RASAL1: variants seen among roughly 807,000 people sequenced by gnomAD.
RASAL1 encodes the protein rasGAP-activating-like protein 1.
RASAL1 carries 72 observed loss-of-function variants against 96.6 expected under a neutral mutation model. The ratio of observed to expected loss-of-function variants is 0.75; its 90% CI spans 0.62 to 0.91. The LOEUF is 0.91. RASAL1 is among the 40% of genes least tolerant of loss of function. The pLI, the probability that RASAL1 is intolerant of heterozygous loss-of-function variation, is 0.00. For synonymous variants in RASAL1, 405 were observed against 430.4 expected (o/e 0.94, Z 0.73); for missense variants, 1,016 against 1,072.5 (o/e 0.95, Z 0.74).
chr12:113,114,481 AAAAAAAAAG>A (rs1294648264), intron 12 of RASAL1, among the ~76,000 whole-genome samples: 1 of 151,992 alleles, frequency 6.6e-6, no homozygotes, highest in Non-Finnish European at 1.5e-5. Flanking sequence ...CTCAAAAAAA[AAAAAAAAAG>A]AAAAAAAGGA....
At chr12:113,100,706 A>C (rs201452149) in intron 19 of RASAL1, 26 bp from the exon 20 acceptor site, 1 of 1,595,400 alleles carries the variant, frequency 6.3e-7, no homozygotes, top group African/African-American at 1.3e-5. Context: ...GAGAAAGACA[A>C]GTCTGGTCCC....
At chr12:113,136,646 C>G (rs770018152), upstream of RASAL1, among the ~76,000 whole-genome samples, 1 of 152,214 alleles carries the variant, frequency 6.6e-6, no homozygotes, top group Non-Finnish European at 1.5e-5. Context: ...GTTTTCTCAT[C>G]TGTTGAGTGA....
At position 113,121,991 on chromosome 12, in the gene RASAL1, G is replaced by A. The variant is rs552267260; in HGVS notation, c.299-353C>T. Among the ~76,000 whole-genome samples the A allele has an allele frequency of 8.5e-5, 13 of 152,234 alleles. No homozygotes were observed. In the East Asian group the frequency reaches 1.9e-3, roughly 23 times the overall value. On this transcript the variant is annotated intron_variant, in intron 4 of 20. Coordinates refer to ENST00000548055, the MANE Select transcript of RASAL1 (RefSeq NM_001301202.2). The stretch of plus-strand genomic sequence containing the variant: ...ACCCACCTTGGCCTCCCAAAATGCT[G>A]GGATTACAGGCATGAGCCACTATGT...
At chr12:113,117,043 C>T in intron 8 of RASAL1, 30 bp downstream of exon 8, 1 of 1,517,770 alleles carries the variant, frequency 6.6e-7, no homozygotes, top group Non-Finnish European at 9.0e-7. Context: ...TGGCTCCAGC[C>T]TGGCCCCCTC....
chr12:113,104,220 T>G lies in RASAL1; in HGVS notation c.1909A>C (p.Met637Leu). Reference sequence around the variant, plus strand: ...GTGCCGTCCTGCGTCACCACCTGCATCACGTGGGGCAGTTGGAAGGCGCCC... The same window carrying G: ...GTGCCGTCCTGCGTCACCACCTGCAGCACGTGGGGCAGTTGGAAGGCGCCC... ...DEGAFQLPHV[M>L]QVVTQDGTGA... is the part of the protein sequence containing the mutation. Residue 637 changes from methionine (M) to leucine (L), a missense_variant, in exon 17 of 21, where the codon ATG becomes CTG. Physicochemically the swap from Met to Leu is conservative, Grantham distance 15. Transcript: ENST00000548055. The G allele has an allele frequency of 6.2e-7, 1 of 1,609,932 alleles. No homozygotes were observed.
At chr12:113,118,760 A>G (rs942191121) in intron 7 of RASAL1, among the ~76,000 whole-genome samples, 24 of 152,140 alleles carry the variant, frequency 1.6e-4, no homozygotes, top group African/African-American at 5.6e-4. Flanking sequence ...CAATGTCCCC[A>G]TCTGTAAAAT....
intron 8 of RASAL1, 118 bp downstream of exon 8, chr12:113,116,955 A>G: frequency 1.4e-6 from 1 of 727,248 alleles, no homozygotes; most frequent in Non-Finnish European, 2.2e-6. Context: ...TGTTAAATGG[A>G]TGAATGCATG....
intron 4 of RASAL1, among the ~76,000 whole-genome samples, chr12:113,125,035 G>T (rs907156034): frequency 6.6e-6 from 1 of 151,866 alleles, no homozygotes; most frequent in African/African-American, 2.4e-5. Flanking sequence ...GCCAAGGCAG[G>T]AGGATTGCTT....
rs769355412 is a variant in RASAL1, at chr12:113,115,902, G to A, written c.849+32C>T. On this transcript the variant is annotated intron_variant, in intron 9 of 20. Coordinates refer to ENST00000548055, the MANE Select transcript of RASAL1 (RefSeq NM_001301202.2). The surrounding 1 kb of genome is among the most constrained non-coding windows in gnomAD (Gnocchi z 4.1). ...GCCAGGATCCAGACCCCCGGCACCCGCCTGATAGCATTGCTTGCCTGACGC... is the reference window on the plus strand; with the variant it reads ...GCCAGGATCCAGACCCCCGGCACCCACCTGATAGCATTGCTTGCCTGACGC... 17 of 1,581,820 alleles carry A rather than the reference G, an allele frequency of 1.1e-5. No homozygotes were observed. The highest frequency in any genetic ancestry group is 1.3e-5 in the African/African-American group (1 of 74,234).
rs897939446 is a variant in RASAL1, at chr12:113,112,116, C to T, written c.1344G>A (p.Val448=). 2.4e-6 allele frequency: 3 copies of T among 1,246,684 alleles called. No individual in the cohort carries two copies. The African/African-American group carries it at 4.7e-5, about 19-fold the overall frequency. The allele number at this position is 1,246,684 out of a possible 1,614,324, so 77.2% of individuals were successfully genotyped here. A position where few individuals can be genotyped will look rare whatever the true frequency, so the allele number is the denominator to read the frequency against. The part of the protein sequence containing the change: ...RLAFKQLHRR[V]EERFPQAEHQ... Reference sequence around the variant, plus strand: ...GCTCGGCCTGGGGGAAGCGCTCCTCCACTCGCCGGTGCAGCTGCTTGAAGG... The same window carrying T: ...GCTCGGCCTGGGGGAAGCGCTCCTCTACTCGCCGGTGCAGCTGCTTGAAGG... The change falls in exon 13 of 21, where the codon GTG becomes GTA. Residue 448 remains valine (V), a synonymous_variant. Transcript: ENST00000548055.
In RASAL1 at chr12:113,115,981, G is replaced by C; in HGVS notation, c.802C>G (p.Gln268Glu). 3 of 1,610,220 alleles carry C rather than the reference G, an allele frequency of 1.9e-6. No homozygotes were observed. The highest frequency in any genetic ancestry group is 2.5e-6 in the Non-Finnish European group (3 of 1,177,906). The change falls in exon 9 of 21, where the codon CAG becomes GAG. Residue 268 changes from glutamine to glutamate, a missense_variant. Coordinates refer to ENST00000548055, the MANE Select transcript of RASAL1 (RefSeq NM_001301202.2). The surrounding 1 kb of genome is among the most constrained non-coding windows in gnomAD (Gnocchi z 4.1). ...EDRVLPSQCY[Q>E]PLMELLMESV... Reference sequence around the variant, plus strand: ...TCCATGAGCAGCTCCATGAGAGGCTGGTAGCACTGGGAGGGCAGGACGCGG... The same window carrying C: ...TCCATGAGCAGCTCCATGAGAGGCTCGTAGCACTGGGAGGGCAGGACGCGG...
At chr12:113,133,339 G>T (rs1243750689) in intron 1 of RASAL1, among the ~76,000 whole-genome samples, 2 of 152,210 alleles carry the variant, frequency 1.3e-5, no homozygotes, top group Non-Finnish European at 2.9e-5. Context: ...GCCATTGCCT[G>T]CCCAGTCTGG....
intron 13 of RASAL1, among the ~76,000 whole-genome samples, chr12:113,108,779 G>A (rs563623227): frequency 6.6e-5 from 10 of 152,222 alleles, no homozygotes; most frequent in East Asian, 5.8e-4. Context: ...AGCCATAAGC[G>A]GCAGAGCCAG....
chr12:113,116,747 T>C (rs1012719301), intron 8 of RASAL1, among the ~76,000 whole-genome samples: 2 of 152,096 alleles, frequency 1.3e-5, no homozygotes, highest in African/African-American at 4.8e-5. Context: ...TATTGATGGG[T>C]ATAAACAGGA....
intron 1 of RASAL1, among the ~76,000 whole-genome samples, chr12:113,131,793 C>T (rs576314236): frequency 1.8e-4 from 28 of 152,276 alleles, no homozygotes; most frequent in African/African-American, 6.7e-4. Flanking sequence ...AGGGCCTTTG[C>T]ACCTGCTGTT....
chr12:113,134,777 G>A (rs1951850158), intron 1 of RASAL1, among the ~76,000 whole-genome samples: 1 of 152,128 alleles, frequency 6.6e-6, no homozygotes, highest in African/African-American at 2.4e-5. Context: ...GGCTGGGGAG[G>A]GGGTCGCAGC....
In RASAL1 at chr12:113,108,154, TG is replaced by T; in HGVS notation, c.1442del (p.Pro481GlnfsTer58). The T allele has an allele frequency of 6.2e-7, 1 of 1,613,796 alleles. No individual in the cohort carries two copies. The part of the protein sequence containing the change: ...LRFFAPAILT[P>X]KLFDLRDQHA... The stretch of plus-strand genomic sequence containing the variant: ...GTTGGTCCCGAAGGTCAAACAGCTT[TG>T]GGGTAAGGATGGCAGGTGCGAAGAA... On this transcript the variant is annotated frameshift_variant, in exon 14 of 21. Coordinates refer to ENST00000548055, the MANE Select transcript of RASAL1 (RefSeq NM_001301202.2). LOFTEE classifies it high-confidence loss of function.
intron 5 of RASAL1, among the ~76,000 whole-genome samples, chr12:113,121,115 G>T (rs1249218792): frequency 6.6e-6 from 1 of 152,224 alleles, no homozygotes; most frequent in African/African-American, 2.4e-5. Flanking sequence ...CTAAAAGACA[G>T]ATTCCTAATG....
At position 113,115,978 on chromosome 12, in the gene RASAL1, G is replaced by A. The variant is rs1368560508; in HGVS notation, c.805C>T (p.Pro269Ser). 3.7e-6 allele frequency: 6 copies of A among 1,610,116 alleles called. No homozygotes were observed. The highest frequency in any genetic ancestry group is 4.2e-6 in the Non-Finnish European group (5 of 1,177,916). The change falls in exon 9 of 21, where the codon CCT becomes TCT. Residue 269 changes from proline to serine, a missense_variant. Pro to Ser is a moderately conservative substitution (Grantham distance 74). Transcript: ENST00000548055. This position sits in a 1 kb window ranked among gnomAD's most constrained non-coding sequence, Gnocchi z 4.1. ...DRVLPSQCYQ[P>S]LMELLMESVQ... ...GACTCCATGAGCAGCTCCATGAGAG[G>A]CTGGTAGCACTGGGAGGGCAGGACG...
Sources: gnomAD v4.1 joint callset for allele counts (sites outside exome capture counted in the v4.1 genomes callset) on GRCh38, gnomAD v4.1.1 for gene constraint, Gnocchi (gnomAD v3.1) non-coding constraint, MANE v1.5 for transcripts, NCBI Gene and HGNC (gene_info 2026-07-23, HGNC 2026-07-21) for gene names.